L2HGDH: variants seen among roughly 807,000 people sequenced by gnomAD.
L2HGDH encodes L-2-hydroxyglutarate dehydrogenase.
In L2HGDH, 34 loss-of-function variants were observed where a neutral mutation model predicts 51.5. The observed-to-expected ratio is 0.66, with a 90% CI of 0.50 to 0.88. The LOEUF is 0.88. Among genes scored for constraint, L2HGDH ranks in the 40% least tolerant of loss-of-function variants. L2HGDH has a pLI of 0.00. For synonymous variants in L2HGDH, 198 were observed against 197.9 expected, an observed-to-expected ratio of 1.00 and a Z score of -0.01; for missense variants, 558 against 571.9, an observed-to-expected ratio of 0.98 and a Z score of 0.25.
intron 4 of L2HGDH, among the ~76,000 whole-genome samples, chr14:50,285,618 T>C (rs1354253701): frequency 3.9e-5 from 6 of 152,246 alleles, no homozygotes; most frequent in Admixed American, 1.3e-4. Context: ...CATAAAATTA[T>C]GTGACAAGTA....
At chr14:50,252,810 GAGAT>G (rs1888441739) in intron 9 of L2HGDH, among the ~76,000 whole-genome samples, 1 of 152,048 alleles carries the variant, frequency 6.6e-6, no homozygotes. Flanking sequence ...TAGAGCTAAA[GAGAT>G]AGACCCCAAT....
At chr14:50,311,684 C>T (rs996663854) in intron 1 of L2HGDH, among the ~76,000 whole-genome samples, 2 of 152,172 alleles carry the variant, frequency 1.3e-5, no homozygotes, top group African/African-American at 2.4e-5. Flanking sequence ...CAAATGACCA[C>T]CTACAGGAGA....
chr14:50,290,831 AT>A (rs1053769100), intron 4 of L2HGDH, among the ~76,000 whole-genome samples: 6 of 151,988 alleles, frequency 3.9e-5, no homozygotes, highest in African/African-American at 1.5e-4. Context: ...GCCTGGCTGA[AT>A]TTCATATAAT....
At chr14:50,274,506 A>G (rs1318830353) in intron 6 of L2HGDH, among the ~76,000 whole-genome samples, 1 of 152,212 alleles carries the variant, frequency 6.6e-6, no homozygotes, top group African/African-American at 2.4e-5. Context: ...ATTGATGGGA[A>G]TGTAAATTGG....
chr14:50,272,657 G>A (rs1410043056), intron 6 of L2HGDH, among the ~76,000 whole-genome samples: 2 of 152,160 alleles, frequency 1.3e-5, no homozygotes, highest in Non-Finnish European at 2.9e-5. Flanking sequence ...TAACTGGGTG[G>A]TGTTGTCTGA....
chr14:50,274,663 T>C (rs547314230), intron 6 of L2HGDH, among the ~76,000 whole-genome samples: 64 of 152,326 alleles, frequency 4.2e-4, no homozygotes, highest in African/African-American at 1.5e-3. Flanking sequence ...AGGAGATATC[T>C]GCATTTTCAT....
intron 1 of L2HGDH, among the ~76,000 whole-genome samples, chr14:50,305,695 C>T (rs1328494954): frequency 6.6e-6 from 1 of 152,138 alleles, no homozygotes; most frequent in Non-Finnish European, 1.5e-5. Flanking sequence ...CTTACAAATA[C>T]TTAAGATATT....
chr14:50,303,453 A>G (rs893830877), intron 1 of L2HGDH, among the ~76,000 whole-genome samples: 243 of 114,364 alleles, frequency 2.1e-3, no homozygotes, highest in East Asian at 1.1e-3. Context: ...TTGGTTTCAC[A>G]TGTATTAAAA....
intron 3 of L2HGDH, among the ~76,000 whole-genome samples, chr14:50,298,091 A>G (rs1386421578): frequency 1.3e-5 from 2 of 151,894 alleles, no homozygotes; most frequent in Non-Finnish European, 2.9e-5. Context: ...TAAAAATACA[A>G]AAATTAGCCA....
chr14:50,286,577 G>C (rs753306744), intron 4 of L2HGDH, among the ~76,000 whole-genome samples: 18 of 152,146 alleles, frequency 1.2e-4, no homozygotes, highest in Non-Finnish European at 2.5e-4. Context: ...GCAGTGGTAA[G>C]GTTGGCAGGG....
intron 1 of L2HGDH, among the ~76,000 whole-genome samples, chr14:50,304,488 A>T (rs77842999): frequency 0.012 from 1,897 of 152,348 alleles, 17 homozygotes; most frequent in Non-Finnish European, 0.022. Flanking sequence ...TTGGTCCAGA[A>T]ATGGGCTTAG....
intron 2 of L2HGDH, 110 bp from the exon 3 acceptor site, chr14:50,302,278 T>C: frequency 1.7e-6 from 2 of 1,187,870 alleles, no homozygotes; most frequent in South Asian, 2.5e-5. Flanking sequence ...TCATGTAAAA[T>C]TCTGCCTGAA....
chr14:50,311,797 CCTCTA>C (rs1417383221), intron 1 of L2HGDH, among the ~76,000 whole-genome samples: 1 of 152,204 alleles, frequency 6.6e-6, no homozygotes, highest in Non-Finnish European at 1.5e-5. Flanking sequence ...CTACTCCCGA[CCTCTA>C]CTCTATACAC....
At chr14:50,308,355 C>T (rs2030850855) in intron 1 of L2HGDH, among the ~76,000 whole-genome samples, 1 of 150,474 alleles carries the variant, frequency 6.6e-6, no homozygotes, top group Non-Finnish European at 1.5e-5. Flanking sequence ...CCACTGCGCT[C>T]CAGCCTGGGC....
intron 5 of L2HGDH, among the ~76,000 whole-genome samples, chr14:50,281,843 T>G (rs1436161626): frequency 6.6e-6 from 1 of 152,096 alleles, no homozygotes; most frequent in East Asian, 1.9e-4. Context: ...ACTTTTTATT[T>G]TTTTTGTGTG....
rs1304662021 is a variant in L2HGDH, at chr14:50,244,851, G to A, written c.*2207C>T. The A allele has an allele frequency of 3.3e-5, 33 of 985,308 alleles. No homozygotes were observed. The highest frequency in any genetic ancestry group is 3.9e-5 in the Non-Finnish European group (32 of 829,932). 61.0% of individuals were successfully genotyped at this position (985,308 alleles called of 1,614,324 possible). A position where few individuals can be genotyped will look rare whatever the true frequency, so the allele number is the denominator to read the frequency against. On this transcript the variant is annotated 3_prime_UTR_variant, in exon 10 of 10. Coordinates refer to ENST00000267436, the MANE Select transcript of L2HGDH (RefSeq NM_024884.3). ...ACAGCTTTGGAGAGCTAAGAGGAAAGAAGACATACACAGTAGAAGATGAAT... is the reference window on the plus strand; with the variant it reads ...ACAGCTTTGGAGAGCTAAGAGGAAAAAAGACATACACAGTAGAAGATGAAT...
At chr14:50,247,887 T>G (rs541662169) in intron 9 of L2HGDH, among the ~76,000 whole-genome samples, 1 of 152,240 alleles carries the variant, frequency 6.6e-6, no homozygotes, top group South Asian at 2.1e-4. Context: ...GTTAATAAAA[T>G]GAGAGTCTTT....
rs530574066 is a variant in L2HGDH, at chr14:50,259,502, G to A, written c.1196+5856C>T. ...TGAGATTACAGGCATGAGCCACCCCGCCCGGCCTCAATGTGTATTTCTTTT... is the reference window on the plus strand; with the variant it reads ...TGAGATTACAGGCATGAGCCACCCCACCCGGCCTCAATGTGTATTTCTTTT... On this transcript the variant is annotated intron_variant, in intron 9 of 9. Coordinates refer to ENST00000267436, the MANE Select transcript of L2HGDH (RefSeq NM_024884.3). Among the ~76,000 whole-genome samples the A allele has an allele frequency of 1.3e-3, 197 of 149,554 alleles. 5 individuals are homozygous for A. The highest frequency in any genetic ancestry group is 1.1e-3 in the Non-Finnish European group (76 of 67,564).
intron 6 of L2HGDH, among the ~76,000 whole-genome samples, chr14:50,276,528 G>T (rs1040394433): frequency 1.3e-5 from 2 of 151,952 alleles, no homozygotes; most frequent in African/African-American, 2.4e-5. Context: ...TGGAAACAGG[G>T]CCTTTAGGGA....
Sources: allele counts gnomAD v4.1 joint callset (sites outside exome capture counted in the v4.1 genomes callset), GRCh38; gene constraint gnomAD v4.1.1; transcripts MANE v1.5; gene names NCBI Gene and HGNC (gene_info 2026-07-23, HGNC 2026-07-21).